The following EYS variants were observed in gnomAD, a reference collection of about 807,000 sequenced individuals.
EYS encodes the protein protein eyes shut homolog.
In EYS, 250 loss-of-function variants were observed where a neutral mutation model predicts 282.1. That is an observed-to-expected ratio of 0.89 (90% CI 0.80 to 0.98). EYS has a LOEUF of 0.98. Among genes scored for constraint, EYS ranks in the 50% least tolerant of loss-of-function variants. The pLI is 0.00. For synonymous variants in EYS, 1,355 were observed against 1,282.9 expected (o/e 1.06, Z -1.20); for missense variants, 4,016 against 3,709.0 (o/e 1.08, Z -2.15).
intron 34 of EYS, among the ~76,000 whole-genome samples, chr6:63,996,611 A>T (rs1245644000): frequency 1.3e-5 from 2 of 152,138 alleles, no homozygotes; most frequent in Non-Finnish European, 2.9e-5. Flanking sequence ...GTGAGACCAC[A>T]TAGTTTTGGT....
intron 26 of EYS, among the ~76,000 whole-genome samples, chr6:64,581,341 A>C (rs1189241571): frequency 6.6e-6 from 1 of 152,140 alleles, no homozygotes; most frequent in Non-Finnish European, 1.5e-5. Flanking sequence ...ACCGAGCTAC[A>C]TACAAAATGT....
chr6:64,121,517 A>C (rs185142887), intron 31 of EYS, among the ~76,000 whole-genome samples: 2 of 152,352 alleles, frequency 1.3e-5, no homozygotes, highest in Non-Finnish European at 2.9e-5. Context: ...TATGTTTAAC[A>C]TCATCTTGTG....
At chr6:63,996,111 C>A in intron 34 of EYS, among the ~76,000 whole-genome samples, 1 of 151,644 alleles carries the variant, frequency 6.6e-6, no homozygotes, top group East Asian at 1.9e-4. Flanking sequence ...AAAAGGAAAA[C>A]GATATATGTG....
intron 13 of EYS, among the ~76,000 whole-genome samples, chr6:65,038,268 C>T (rs1035075667): frequency 4.6e-5 from 7 of 151,510 alleles, no homozygotes; most frequent in Admixed American, 2.0e-4. Flanking sequence ...CTTCTGTCCC[C>T]TTCCCAATCA....
At chr6:63,893,864 C>A (rs1773468350) in intron 35 of EYS, among the ~76,000 whole-genome samples, 1 of 152,110 alleles carries the variant, frequency 6.6e-6, no homozygotes, top group Non-Finnish European at 1.5e-5. Context: ...TTTGATCAAT[C>A]CTATTTGAAA....
chr6:64,348,925 G>T (rs1166087426), intron 29 of EYS, among the ~76,000 whole-genome samples: 5 of 151,334 alleles, frequency 3.3e-5, no homozygotes, highest in East Asian at 2.0e-4. Context: ...CTTATTGAAG[G>T]TTCCTTACAT....
intron 2 of EYS, among the ~76,000 whole-genome samples, chr6:65,523,602 TGTAAA>T (rs1426913180): frequency 6.6e-6 from 1 of 152,208 alleles, no homozygotes; most frequent in Non-Finnish European, 1.5e-5. Flanking sequence ...AGATGTCTAA[TGTAAA>T]GTAATCATTT....
At chr6:64,090,590 A>C (rs1029421548) in intron 31 of EYS, among the ~76,000 whole-genome samples, 2 of 151,808 alleles carry the variant, frequency 1.3e-5, no homozygotes, top group Non-Finnish European at 2.9e-5. Flanking sequence ...GAGTGGCTTA[A>C]TTTTTTTTGT....
intron 35 of EYS, among the ~76,000 whole-genome samples, chr6:63,973,126 G>A (rs1020389319): frequency 4.6e-5 from 7 of 151,992 alleles, no homozygotes; most frequent in Middle Eastern, 3.4e-3. Flanking sequence ...TTGAGGAATC[G>A]CCACACTGTC....
At chr6:64,489,285 G>A (rs1338929077) in intron 26 of EYS, among the ~76,000 whole-genome samples, 1 of 150,700 alleles carries the variant, frequency 6.6e-6, no homozygotes, top group Non-Finnish European at 1.5e-5. Flanking sequence ...TTGCTAAGTG[G>A]ATTTTAACTG....
intron 8 of EYS, among the ~76,000 whole-genome samples, chr6:65,382,834 T>TA (rs1765669079): frequency 1.3e-5 from 2 of 151,992 alleles, no homozygotes; most frequent in South Asian, 4.1e-4. Flanking sequence ...GGTGCCCACC[T>TA]AGATTAAGGG....
intron 13 of EYS, among the ~76,000 whole-genome samples, chr6:65,008,749 G>A (rs1223825652): frequency 1.3e-5 from 2 of 152,134 alleles, no homozygotes; most frequent in Non-Finnish European, 2.9e-5. Context: ...GGTGCCTGGG[G>A]CAAGCGCCAG....
chr6:65,673,692 C>A (rs1054111716), intron 1 of EYS, among the ~76,000 whole-genome samples: 2 of 151,906 alleles, frequency 1.3e-5, no homozygotes, highest in African/African-American at 2.4e-5. Flanking sequence ...ATACCAAGAG[C>A]CTGAGAAACT....
In EYS at chr6:64,626,164, G is replaced by C. The variant is rs549215568; in HGVS notation, c.3525C>G (p.Asp1175Glu). 6.5e-7 allele frequency: 1 copy of C among 1,545,982 alleles called. No homozygotes were observed. The highest frequency in any genetic ancestry group is 8.7e-7 in the Non-Finnish European group (1 of 1,145,382). Residue 1175 changes from aspartate (D) to glutamate (E), a missense_variant, in exon 23 of 43, where the codon GAC (aspartate) becomes GAG (glutamate). Asp to Glu is a conservative substitution (Grantham distance 45). Transcript: ENST00000503581. ...CATATCCATTGATGTGATCTTCACAGTCTGCACCATGTAGACATGGTGATG... is the reference window on the plus strand; with the variant it reads ...CATATCCATTGATGTGATCTTCACACTCTGCACCATGTAGACATGGTGATG... ...CSSSPCLHGA[D>E]CEDHINGYVC...
intron 33 of EYS, among the ~76,000 whole-genome samples, chr6:64,031,064 T>A (rs563287764): frequency 2.2e-3 from 342 of 152,322 alleles, no homozygotes; most frequent in African/African-American, 7.7e-3. Flanking sequence ...TGGCAGCACA[T>A]GGGGAGCTTC....
At chr6:65,591,372 A>G (rs1033974364) in intron 2 of EYS, among the ~76,000 whole-genome samples, 5 of 151,640 alleles carry the variant, frequency 3.3e-5, no homozygotes, top group African/African-American at 9.7e-5. Flanking sequence ...GTGTATGTGT[A>G]TATATATGTG....
chr6:65,615,398 A>G (rs1256467029), intron 2 of EYS, among the ~76,000 whole-genome samples: 1 of 146,900 alleles, frequency 6.8e-6, no homozygotes, highest in African/African-American at 2.5e-5. Flanking sequence ...ATATATATAT[A>G]TATGTGTGTG....
chr6:64,047,537 A>G (rs1158723347), intron 33 of EYS, among the ~76,000 whole-genome samples: 1 of 152,226 alleles, frequency 6.6e-6, no homozygotes, highest in Non-Finnish European at 1.5e-5. Flanking sequence ...TTTTGAGTTA[A>G]ATTTTAAAAT....
intron 1 of EYS, among the ~76,000 whole-genome samples, chr6:65,646,644 A>G (rs1907011): frequency 0.23 from 34,316 of 152,078 alleles, 4,564 homozygotes; most frequent in African/African-American, 0.38. Flanking sequence ...CACCACTTCT[A>G]TTCAACACAG....
Sources: gnomAD v4.1 joint callset for allele counts (sites outside exome capture counted in the v4.1 genomes callset) on GRCh38, gnomAD v4.1.1 for gene constraint, MANE v1.5 for transcripts, NCBI Gene and HGNC (gene_info 2026-07-23, HGNC 2026-07-21) for gene names.